The following UBE2E1 variants were observed in gnomAD, a reference collection of about 807,000 sequenced individuals.
UBE2E1 encodes ubiquitin-conjugating enzyme E2 E1.
A neutral mutation model predicts 21.4 loss-of-function variants in UBE2E1; 6 were observed. The observed-to-expected ratio is 0.28, with a 90% CI of 0.15 to 0.55. The LOEUF (loss-of-function observed/expected upper bound fraction) is 0.55. Among genes scored for constraint, UBE2E1 ranks in the 20% least tolerant of loss-of-function variants. The pLI is 0.93. For missense variants in UBE2E1, 142 were observed against 236.5 expected (o/e 0.60, Z 2.62); for synonymous variants, 87 against 82.7 (o/e 1.05, Z -0.28).
At chr3:23,884,953 C>T (rs530758173) in intron 3 of UBE2E1, among the ~76,000 whole-genome samples, 67 of 152,348 alleles carry the variant, frequency 4.4e-4, no homozygotes, top group Non-Finnish European at 7.3e-4. Flanking sequence ...TCATTAACTG[C>T]ACTCCAGGTG....
intron 3 of UBE2E1, among the ~76,000 whole-genome samples, chr3:23,858,643 C>G (rs2125312194): frequency 6.6e-6 from 1 of 152,212 alleles, no homozygotes; most frequent in East Asian, 1.9e-4. Flanking sequence ...CAATGGAAGA[C>G]AAACCTTTAT....
rs1700126735 is a variant in UBE2E1, at chr3:23,842,979, C to T, written c.203+31469C>T. ...TTTATACCATAAAATATCCCATGTG[C>T]TATTATACTGTGGCATAGCATATAT... On this transcript the variant is annotated intron_variant, in intron 3 of 5. Transcript: ENST00000306627. The surrounding 1 kb of genome is among the most constrained non-coding windows in gnomAD (Gnocchi z 4.6). Among the ~76,000 whole-genome samples, 1 of 151,296 alleles carries T rather than the reference C, an allele frequency of 6.6e-6. No homozygotes were observed. The highest frequency in any genetic ancestry group is 1.5e-5 in the Non-Finnish European group (1 of 67,920).
chr3:23,879,694 A>G (rs1559493650), intron 3 of UBE2E1, among the ~76,000 whole-genome samples: 1 of 152,178 alleles, frequency 6.6e-6, no homozygotes, highest in Non-Finnish European at 1.5e-5. Context: ...AGGACAGGGC[A>G]CCAGGTGGGT....
chr3:23,886,568 A>C (rs1276574779), intron 3 of UBE2E1, among the ~76,000 whole-genome samples: 1 of 152,164 alleles, frequency 6.6e-6, no homozygotes. Context: ...TCTCACACCA[A>C]ATTTCAGACC....
rs1699265187 is a variant in UBE2E1, at chr3:23,806,283, C to T, written c.-34+195C>T. 6.7e-6 allele frequency among the ~76,000 whole-genome samples: 1 copy of T among 149,960 alleles called. No individual in the cohort carries two copies. The highest frequency in any genetic ancestry group is 2.4e-5 in the African/African-American group (1 of 40,970). ...CCCGCCCGCGGGGGATGGGCAGGGA[C>T]CCCGGGCCGCGTGGGGTGCGGGGGC... On this transcript the variant is annotated intron_variant, in intron 1 of 5. Transcript: ENST00000306627. This position sits in a 1 kb window ranked among gnomAD's most constrained non-coding sequence, Gnocchi z 6.5.
intron 3 of UBE2E1, among the ~76,000 whole-genome samples, chr3:23,813,640 C>A (rs1225536259): frequency 6.6e-6 from 1 of 152,012 alleles, no homozygotes; most frequent in African/African-American, 2.4e-5. Context: ...CCTCCCGGGT[C>A]CTGGTTCAAG....
intron 3 of UBE2E1, among the ~76,000 whole-genome samples, chr3:23,834,829 T>G (rs1699945560): frequency 6.6e-6 from 1 of 152,248 alleles, no homozygotes; most frequent in Non-Finnish European, 1.5e-5. Context: ...ACAGTTTTGT[T>G]TTATAAATTT....
intron 3 of UBE2E1, among the ~76,000 whole-genome samples, chr3:23,843,246 C>T (rs1210697307): frequency 2.0e-5 from 3 of 152,004 alleles, no homozygotes; most frequent in East Asian, 1.9e-4. Context: ...TTTGTATAAT[C>T]GAGGTTAATG....
chr3:23,829,452 A>T (rs1330665438), intron 3 of UBE2E1, among the ~76,000 whole-genome samples: 1 of 151,612 alleles, frequency 6.6e-6, no homozygotes, highest in African/African-American at 2.4e-5. Context: ...GAATCACCAC[A>T]CCCAGACCCA....
At position 23,872,239 on chromosome 3, in the gene UBE2E1, GGC is replaced by G. The variant is rs371779952; in HGVS notation, c.204-15321_204-15320del. Among the ~76,000 whole-genome samples the G allele has an allele frequency of 3.5e-3, 538 of 152,232 alleles. 15 individuals are homozygous for G. The East Asian group carries it at 0.049, about 14-fold the overall frequency. On this transcript the variant is annotated intron_variant, in intron 3 of 5. Transcript: ENST00000306627. Reference sequence around the variant, plus strand: ...AATACGAAAACCAGTCAGGCGTGGCGGCGCGCGCCTGCAATCACAGGCACTCG... The same window carrying G: ...AATACGAAAACCAGTCAGGCGTGGCGGCGCGCCTGCAATCACAGGCACTCG...
intron 3 of UBE2E1, among the ~76,000 whole-genome samples, chr3:23,859,265 A>C (rs1286521131): frequency 6.6e-6 from 1 of 152,196 alleles, no homozygotes; most frequent in African/African-American, 2.4e-5. Context: ...TCATCTTCCC[A>C]GAGAGTAATG....
chr3:23,844,842 A>G (rs973887410), intron 3 of UBE2E1, among the ~76,000 whole-genome samples: 1 of 152,140 alleles, frequency 6.6e-6, no homozygotes, highest in African/African-American at 2.4e-5. Flanking sequence ...ATAATACTAC[A>G]CTGTATTTAT....
intron 3 of UBE2E1, among the ~76,000 whole-genome samples, chr3:23,832,305 G>A (rs560832222): frequency 6.6e-6 from 1 of 152,188 alleles, no homozygotes; most frequent in Non-Finnish European, 1.5e-5. Context: ...TAAAGGAGAA[G>A]GGACTGTGTT....
intron 3 of UBE2E1, among the ~76,000 whole-genome samples, chr3:23,884,147 AT>A (rs138884659): frequency 0.046 from 6,953 of 152,020 alleles, 193 homozygotes; most frequent in Admixed American, 0.084. Flanking sequence ...GTTTTTTGTC[AT>A]TATGTAGTTG....
intron 5 of UBE2E1, 28 bp from the exon 6 acceptor site, chr3:23,890,476 TTCTCC>T (rs751727351): frequency 4.8e-5 from 76 of 1,594,514 alleles, no homozygotes; most frequent in Non-Finnish European, 6.1e-5. Flanking sequence ...TTCTTTTCCT[TTCTCC>T]AAAGTAATCT....
intron 3 of UBE2E1, among the ~76,000 whole-genome samples, chr3:23,843,767 A>G (rs1700140021): frequency 6.6e-6 from 1 of 152,170 alleles, no homozygotes; most frequent in South Asian, 2.1e-4. Context: ...GATGTATTCT[A>G]GCTATTCTTG....
intron 3 of UBE2E1, among the ~76,000 whole-genome samples, chr3:23,882,646 G>A (rs551121913): frequency 2.6e-5 from 4 of 152,062 alleles, no homozygotes; most frequent in East Asian, 2.0e-4. Context: ...GGGGAGGCTC[G>A]GGCCTGGCAG....
chr3:23,816,213 TA>T lies in UBE2E1; in HGVS notation c.203+4708del, dbSNP rs1455467188. Among the ~76,000 whole-genome samples the T allele has an allele frequency of 6.6e-6, 1 of 152,160 alleles. No individual in the cohort carries two copies. Among genetic ancestry groups the T allele is most frequent in the Non-Finnish European group, 1.5e-5 (1 of 68,020 alleles). On this transcript the variant is annotated intron_variant, in intron 3 of 5. Transcript: ENST00000306627. The surrounding 1 kb of genome is among the most constrained non-coding windows in gnomAD (Gnocchi z 4.8). ...CTGCTATCTATGTACCCTGAATAAT[TA>T]AAAACAGAGGCTCAAACAGATAACC...
chr3:23,871,930 G>T (rs1700804247), intron 3 of UBE2E1, among the ~76,000 whole-genome samples: 1 of 151,710 alleles, frequency 6.6e-6, no homozygotes, highest in Non-Finnish European at 1.5e-5. Context: ...CCCAGACGAT[G>T]GGCGGCCAGG....
Sources: allele counts gnomAD v4.1 joint callset (sites outside exome capture counted in the v4.1 genomes callset), GRCh38; gene constraint gnomAD v4.1.1; non-coding constraint Gnocchi (gnomAD v3.1); transcripts MANE v1.5; gene names NCBI Gene and HGNC (gene_info 2026-07-23, HGNC 2026-07-21).